Variants in CACNB2 observed in about 807,000 individuals in gnomAD.
CACNB2 encodes calcium voltage-gated channel auxiliary subunit beta 2.
In CACNB2, 42 loss-of-function variants were observed where a neutral mutation model predicts 73.3. The observed-to-expected ratio is 0.57, with a 90% CI of 0.45 to 0.74. The LOEUF (loss-of-function observed/expected upper bound fraction) is 0.74, where lower values mean the gene tolerates loss of function less well. Among genes scored for constraint, CACNB2 ranks in the 30% least tolerant of loss-of-function variants. The probability of loss-of-function intolerance (pLI) is 0.00; values close to 1 mark genes in which losing one functional copy is unlikely to be tolerated. For missense variants in CACNB2, 940 were observed against 853.0 expected (o/e 1.10, Z -1.27); for synonymous variants, 348 against 310.3 (o/e 1.12, Z -1.28).
At chr10:18,465,051 C>T (rs12782993) in intron 3 of CACNB2, among the ~76,000 whole-genome samples, 84,257 of 152,076 alleles carry the variant, frequency 0.55, 25,486 homozygotes, top group Non-Finnish European at 0.69. Context: ...TAGAAACAGC[C>T]GGGCATGGTG....
At chr10:18,194,864 C>G (rs1477747728) in intron 2 of CACNB2, among the ~76,000 whole-genome samples, 1 of 152,190 alleles carries the variant, frequency 6.6e-6, no homozygotes. Context: ...GTTTCGACAT[C>G]ATGATGTCCA....
At chr10:18,411,805 G>A (rs1405521700) in intron 3 of CACNB2, among the ~76,000 whole-genome samples, 2 of 152,222 alleles carry the variant, frequency 1.3e-5, no homozygotes, top group Non-Finnish European at 2.9e-5. Context: ...ACTGTGCCCA[G>A]CCTCTTTAAG....
intron 2 of CACNB2, among the ~76,000 whole-genome samples, chr10:18,294,284 C>T (rs964545807): frequency 1.3e-5 from 2 of 152,236 alleles, no homozygotes; most frequent in Non-Finnish European, 2.9e-5. Flanking sequence ...ACTGGTTAAA[C>T]TGCTTGACAG....
At chr10:18,275,743 A>G (rs2038257196) in intron 2 of CACNB2, among the ~76,000 whole-genome samples, 1 of 152,226 alleles carries the variant, frequency 6.6e-6, no homozygotes. Flanking sequence ...ATGGTTTTAA[A>G]AATTTATTCT....
chr10:18,499,802 C>G (rs1481510484), intron 4 of CACNB2, among the ~76,000 whole-genome samples: 6 of 57,234 alleles, frequency 1.0e-4, no homozygotes, highest in African/African-American at 4.7e-4. Context: ...AAAACCCCAT[C>G]TCTAAAAAAA....
rs536609660 is a variant in CACNB2, at chr10:18,172,261, G to A, written c.213+21286G>A. ...TGCCTGTAGTCCCAGCTACTCAGGA[G>A]GCTGAGGTGGGAGGATCACTTGGAC... is the stretch of plus-strand genomic sequence containing the variant. On this transcript the variant is annotated intron_variant, in intron 2 of 13. Transcript: ENST00000324631. Among the ~76,000 whole-genome samples the A allele has an allele frequency of 3.9e-5, 6 of 152,328 alleles. No homozygotes were observed. The East Asian group carries it at 1.2e-3, about 29-fold the overall frequency.
At chr10:18,381,123 G>T (rs2042997501) in intron 2 of CACNB2, among the ~76,000 whole-genome samples, 1 of 151,156 alleles carries the variant, frequency 6.6e-6, no homozygotes, top group South Asian at 2.1e-4. Flanking sequence ...CCAGACACAG[G>T]GCCAGCTGGG....
At chr10:18,304,116 C>T (rs1044214818) in intron 2 of CACNB2, among the ~76,000 whole-genome samples, 1 of 152,142 alleles carries the variant, frequency 6.6e-6, no homozygotes, top group African/African-American at 2.4e-5. Flanking sequence ...CCCCCACATC[C>T]TTCTAATGTT....
At chr10:18,443,756 C>T (rs569126787) in intron 3 of CACNB2, among the ~76,000 whole-genome samples, 3 of 151,150 alleles carry the variant, frequency 2.0e-5, no homozygotes, top group African/African-American at 7.3e-5. Flanking sequence ...ACTCTGTCAC[C>T]CAGGCTGGAA....
rs1449312086 is a variant in CACNB2 at position 18,446,338 on chromosome 10, A to G, written c.333+44295A>G. On this transcript the variant is annotated intron_variant, in intron 3 of 13. Transcript: ENST00000324631. ...CCAGGAAATGAAATCATCAGAGCAGAATTTTAAGCAAACTAATCTGGCTTG... is the reference window on the plus strand; with the variant it reads ...CCAGGAAATGAAATCATCAGAGCAGGATTTTAAGCAAACTAATCTGGCTTG... Among the ~76,000 whole-genome samples the G allele has an allele frequency of 3.9e-5, 6 of 152,214 alleles. No homozygotes were observed. In the East Asian group the frequency reaches 1.2e-3, roughly 29 times the overall value.
At chr10:18,217,247 G>A (rs2035548852) in intron 2 of CACNB2, among the ~76,000 whole-genome samples, 1 of 152,110 alleles carries the variant, frequency 6.6e-6, no homozygotes, top group African/African-American at 2.4e-5. Flanking sequence ...ACTTTGGGAG[G>A]CCGAGGCTGG....
intron 3 of CACNB2, among the ~76,000 whole-genome samples, chr10:18,495,454 G>A (rs1292122031): frequency 6.6e-6 from 1 of 152,020 alleles, no homozygotes; most frequent in Non-Finnish European, 1.5e-5. Flanking sequence ...CCCAATCTCA[G>A]GTGATCCTCC....
chr10:18,251,155 A>T (rs184621333), intron 2 of CACNB2, among the ~76,000 whole-genome samples: 74 of 152,314 alleles, frequency 4.9e-4, no homozygotes, highest in African/African-American at 1.7e-3. Flanking sequence ...TCCGGTTGGG[A>T]GCTAGATTTT....
At chr10:18,492,644 AAAG>A (rs969047733) in intron 3 of CACNB2, among the ~76,000 whole-genome samples, 4 of 150,880 alleles carry the variant, frequency 2.7e-5, no homozygotes, top group African/African-American at 9.8e-5. Flanking sequence ...AAAAAGAAAA[AAAG>A]AAAAGAAAAG....
At chr10:18,265,915 T>A (rs2037776913) in intron 2 of CACNB2, among the ~76,000 whole-genome samples, 1 of 152,294 alleles carries the variant, frequency 6.6e-6, no homozygotes, top group South Asian at 2.1e-4. Flanking sequence ...TTGAAAAGCT[T>A]TTATTAATAA....
chr10:18,353,139 C>A (rs1277841), intron 2 of CACNB2, among the ~76,000 whole-genome samples: 66,234 of 151,806 alleles, frequency 0.44, 14,997 homozygotes, highest in African/African-American at 0.48. Context: ...ATGCCAGGTG[C>A]GGTGGCTCAT....
At chr10:18,150,164 C>T (rs1175670106) in intron 1 of CACNB2, among the ~76,000 whole-genome samples, 1 of 152,094 alleles carries the variant, frequency 6.6e-6, no homozygotes, top group Non-Finnish European at 1.5e-5. Flanking sequence ...TGAATGTAAA[C>T]ATAATAGGAA....
chr10:18,423,038 A>ATTCAG (rs1447594015), intron 3 of CACNB2, among the ~76,000 whole-genome samples: 2 of 152,206 alleles, frequency 1.3e-5, no homozygotes, highest in Admixed American at 1.3e-4. Context: ...CATAATAAAT[A>ATTCAG]TGTGTGGACT....
chr10:18,471,442 A>G (rs919379239), intron 3 of CACNB2, among the ~76,000 whole-genome samples: 2 of 152,188 alleles, frequency 1.3e-5, no homozygotes, highest in Non-Finnish European at 1.5e-5. Context: ...TGTAATTAAG[A>G]TATTTATTTT....
Sources: allele counts gnomAD v4.1 joint callset (sites outside exome capture counted in the v4.1 genomes callset), GRCh38; gene constraint gnomAD v4.1.1; transcripts MANE v1.5; gene names NCBI Gene and HGNC (gene_info 2026-07-23, HGNC 2026-07-21).